Variants in MACROD2 observed in about 807,000 individuals in gnomAD.
The protein encoded by MACROD2 is ADP-ribose glycohydrolase MACROD2.
MACROD2 carries 36 observed loss-of-function variants against 70.4 expected under a neutral mutation model. The observed-to-expected ratio is 0.51, with a 90% CI of 0.39 to 0.68. MACROD2 has a LOEUF of 0.68. MACROD2 is among the 30% of genes least tolerant of loss of function. The probability of loss-of-function intolerance (pLI) is 0.00; values close to 1 mark genes in which losing one functional copy is unlikely to be tolerated. For synonymous variants in MACROD2, 172 were observed against 178.8 expected (o/e 0.96, Z 0.30); for missense variants, 496 against 538.4 (o/e 0.92, Z 0.78).
At chr20:14,736,863 G>A (rs1316815005) in intron 5 of MACROD2, among the ~76,000 whole-genome samples, 1 of 152,080 alleles carries the variant, frequency 6.6e-6, no homozygotes, top group East Asian at 1.9e-4. Context: ...GCAAAAAATG[G>A]AAACAAATAG....
chr20:14,803,571 C>G (rs1306502080), intron 5 of MACROD2, among the ~76,000 whole-genome samples: 1 of 151,978 alleles, frequency 6.6e-6, no homozygotes, highest in Non-Finnish European at 1.5e-5. Context: ...ACCTCTGCCT[C>G]CTGGGTTCAA....
intron 8 of MACROD2, among the ~76,000 whole-genome samples, chr20:15,697,156 T>C (rs2050388333): frequency 6.6e-6 from 1 of 152,192 alleles, no homozygotes; most frequent in African/African-American, 2.4e-5. Context: ...ATTGTCTGTT[T>C]GTGCTCTTTC....
At chr20:14,615,514 G>A (rs994979199) in intron 4 of MACROD2, among the ~76,000 whole-genome samples, 6 of 152,088 alleles carry the variant, frequency 3.9e-5, no homozygotes, top group Non-Finnish European at 5.9e-5. Flanking sequence ...TTAAGGATGG[G>A]TGAGATTTCA....
chr20:14,576,187 C>T (rs1378461034), intron 4 of MACROD2, among the ~76,000 whole-genome samples: 1 of 152,172 alleles, frequency 6.6e-6, no homozygotes, highest in East Asian at 1.9e-4. Context: ...ATTACTTGTT[C>T]CTCAAGATGA....
At chr20:15,603,169 T>C (rs1355827124) in intron 8 of MACROD2, among the ~76,000 whole-genome samples, 2 of 152,088 alleles carry the variant, frequency 1.3e-5, no homozygotes, top group Non-Finnish European at 2.9e-5. Flanking sequence ...CACTCATTAA[T>C]TTTCTTTGAT....
chr20:15,028,356 A>G (rs899887138), intron 5 of MACROD2, among the ~76,000 whole-genome samples: 2 of 152,180 alleles, frequency 1.3e-5, no homozygotes, highest in African/African-American at 4.8e-5. Flanking sequence ...CAGGGCCCAG[A>G]GTGGAGTGAG....
chr20:15,933,283 C>G lies in MACROD2; in HGVS notation c.783C>G (p.Asn261Lys), dbSNP rs373690455. 2.5e-6 allele frequency: 4 copies of G among 1,612,806 alleles called. No homozygotes were observed. In the Admixed American group the frequency reaches 5.0e-5, roughly 20 times the overall value. ...DVEMKEDSDE[N>K]GPEEKQSVEE... ...CTGTGGTTTTCTTGAAAGATGAGAA[C>G]GGTCCAGAGGAGAAGCAAAGTGTGG... Residue 261 changes from asparagine to lysine, a missense_variant, in exon 11 of 18, where the codon AAC becomes AAG. Asn to Lys is a moderately conservative substitution (Grantham distance 94, BLOSUM62 0). Coordinates refer to ENST00000684519, the MANE Select transcript of MACROD2 (RefSeq NM_001351661.2).
chr20:14,209,352 T>A (rs2081551927), intron 3 of MACROD2, among the ~76,000 whole-genome samples: 1 of 151,696 alleles, frequency 6.6e-6, no homozygotes, highest in South Asian at 2.1e-4. Context: ...GGGAGAAGAG[T>A]TTCAAGGCCT....
intron 4 of MACROD2, among the ~76,000 whole-genome samples, chr20:14,619,098 A>G (rs1227150122): frequency 1.3e-5 from 2 of 152,026 alleles, no homozygotes; most frequent in Non-Finnish European, 2.9e-5. Flanking sequence ...CAATGCACAT[A>G]CTATGTAAAG....
intron 8 of MACROD2, among the ~76,000 whole-genome samples, chr20:15,805,864 G>A (rs1206676449): frequency 6.6e-6 from 1 of 152,208 alleles, no homozygotes; most frequent in African/African-American, 2.4e-5. Context: ...AAAGAGGAGG[G>A]AGGAAGCAAA....
intron 15 of MACROD2, among the ~76,000 whole-genome samples, chr20:16,019,876 G>A (rs891411599): frequency 1.3e-5 from 2 of 152,126 alleles, no homozygotes; most frequent in African/African-American, 4.8e-5. Context: ...GAGTTTTCAG[G>A]TGTCAGCCCC....
intron 8 of MACROD2, among the ~76,000 whole-genome samples, chr20:15,799,078 A>G (rs1380818130): frequency 6.6e-6 from 1 of 152,086 alleles, no homozygotes; most frequent in Non-Finnish European, 1.5e-5. Flanking sequence ...CAAGGCACCA[A>G]CTCTTCTCTT....
In MACROD2 at chr20:15,844,076, TG is replaced by T. The variant is rs2064203200; in HGVS notation, c.646-18668del. On this transcript the variant is annotated intron_variant, in intron 8 of 17. Transcript: ENST00000684519. ...CCTGCACATATATGAGTAGCAAAAA[TG>T]TACATTTCTTAAAGAGAAAACTGTG... 2.6e-5 allele frequency among the ~76,000 whole-genome samples: 4 copies of T among 151,922 alleles called. No homozygotes were observed. In the South Asian group the frequency reaches 8.3e-4, roughly 32 times the overall value.
intron 7 of MACROD2, among the ~76,000 whole-genome samples, chr20:15,472,708 A>G (rs1356542526): frequency 6.6e-6 from 1 of 151,912 alleles, no homozygotes; most frequent in East Asian, 1.9e-4. Flanking sequence ...TCTATTTCCT[A>G]TCATTTCAGT....
chr20:14,126,099 C>CA (rs1178239234), intron 3 of MACROD2, among the ~76,000 whole-genome samples: 3 of 152,248 alleles, frequency 2.0e-5, no homozygotes, highest in Admixed American at 1.3e-4. Flanking sequence ...GCTGCCACAA[C>CA]AAAATACCAT....
At chr20:14,448,701 G>A (rs6079447) in intron 3 of MACROD2, among the ~76,000 whole-genome samples, 145,742 of 151,540 alleles carry the variant, frequency 0.96, 70,358 homozygotes, top group Non-Finnish European at 1. Flanking sequence ...AGAAAGAAAG[G>A]CGGTGAGAGA....
intron 5 of MACROD2, among the ~76,000 whole-genome samples, chr20:14,743,009 G>T (rs1007689016): frequency 6.6e-6 from 1 of 151,912 alleles, no homozygotes; most frequent in Admixed American, 6.6e-5. Context: ...CTCGTGATCC[G>T]CCCGCCTCGG....
intron 8 of MACROD2, among the ~76,000 whole-genome samples, chr20:15,658,219 CTCTCTCT>C (rs1381820575): frequency 2.0e-4 from 28 of 139,076 alleles, no homozygotes; most frequent in African/African-American, 6.4e-4. Flanking sequence ...TCTTTTCTCT[CTCTCTCT>C]TTTTTTTTTT....
chr20:15,947,333 C>T (rs1245804810), intron 12 of MACROD2, among the ~76,000 whole-genome samples: 2 of 152,180 alleles, frequency 1.3e-5, no homozygotes, highest in Non-Finnish European at 2.9e-5. Flanking sequence ...TTGGACAATA[C>T]CCAGCTTTCC....
Sources: gnomAD v4.1 joint callset for allele counts (sites outside exome capture counted in the v4.1 genomes callset) on GRCh38, gnomAD v4.1.1 for gene constraint, MANE v1.5 for transcripts, NCBI Gene and HGNC (gene_info 2026-07-23, HGNC 2026-07-21) for gene names.